DLGAP2: variants seen among roughly 807,000 people sequenced by gnomAD.
DLGAP2 encodes disks large-associated protein 2.
A neutral mutation model predicts 100.3 loss-of-function variants in DLGAP2; 26 were observed. The observed-to-expected ratio is 0.26, with a 90% CI of 0.19 to 0.36. DLGAP2 has a LOEUF of 0.36. Ranked by LOEUF, DLGAP2 falls within the 10% of genes least tolerant of loss-of-function variation. The pLI is 1.00. For missense variants in DLGAP2, 1,858 were observed against 1,453.2 expected (o/e 1.28, Z -4.53); for synonymous variants, 886 against 630.1 (o/e 1.41, Z -6.08).
intron 5 of DLGAP2, among the ~76,000 whole-genome samples, chr8:1,554,040 C>A (rs759073521): frequency 2.8e-4 from 43 of 152,202 alleles, no homozygotes; most frequent in Non-Finnish European, 5.9e-4. Flanking sequence ...GTCATCCTAG[C>A]ACTTTGGGAG....
At chr8:1,658,720 T>G (rs901211032) in intron 8 of DLGAP2, among the ~76,000 whole-genome samples, 1 of 152,210 alleles carries the variant, frequency 6.6e-6, no homozygotes, top group African/African-American at 2.4e-5. Context: ...TGTGTCTATT[T>G]GATTCTTCTC....
chr8:834,545 C>T (rs188810331), intron 1 of DLGAP2, among the ~76,000 whole-genome samples: 1 of 152,202 alleles, frequency 6.6e-6, no homozygotes, highest in Non-Finnish European at 1.5e-5. Context: ...CCTACCTGCA[C>T]TTTAACTTGT....
At chr8:1,627,650 C>T (rs1797538866) in intron 7 of DLGAP2, among the ~76,000 whole-genome samples, 1 of 152,250 alleles carries the variant, frequency 6.6e-6, no homozygotes, top group Non-Finnish European at 1.5e-5. Context: ...GTATACCTAA[C>T]AAACATTTTC....
chr8:1,511,708 C>T (rs555569817), intron 4 of DLGAP2, among the ~76,000 whole-genome samples: 21 of 151,294 alleles, frequency 1.4e-4, no homozygotes, highest in African/African-American at 4.9e-4. Context: ...CTTCCATGGA[C>T]GTAAGTGCTG....
intron 1 of DLGAP2, among the ~76,000 whole-genome samples, chr8:907,065 C>T (rs759456706): frequency 6.6e-5 from 10 of 152,128 alleles, no homozygotes; most frequent in African/African-American, 1.7e-4. Flanking sequence ...GACTGAAAGT[C>T]GATCGAGGGC....
chr8:862,076 G>A (rs180944688), intron 1 of DLGAP2, among the ~76,000 whole-genome samples: 1 of 152,260 alleles, frequency 6.6e-6, no homozygotes, highest in East Asian at 1.9e-4. Flanking sequence ...CTCCTGAACC[G>A]TTTGTAGAAA....
intron 2 of DLGAP2, among the ~76,000 whole-genome samples, chr8:1,076,832 G>T (rs963462382): frequency 5.5e-5 from 8 of 145,800 alleles, no homozygotes; most frequent in East Asian, 2.1e-4. Context: ...CCCCCCCCAA[G>T]ACCAAGAGGG....
intron 3 of DLGAP2, chr8:1,296,995 G>T (rs1436994760): frequency 6.6e-6 from 1 of 152,386 alleles, no homozygotes; most frequent in Admixed American, 6.5e-5. Context: ...AGACCTCAGG[G>T]CCTGTGCTAA....
At chr8:1,276,258 TA>T (rs1288715925) in intron 3 of DLGAP2, among the ~76,000 whole-genome samples, 1 of 151,686 alleles carries the variant, frequency 6.6e-6, no homozygotes. Context: ...CATAACAACC[TA>T]AAAAATCATG....
chr8:1,464,880 A>C (rs1369251506), intron 3 of DLGAP2, among the ~76,000 whole-genome samples: 1 of 152,166 alleles, frequency 6.6e-6, no homozygotes, highest in Admixed American at 6.5e-5. Flanking sequence ...GAGGACATAG[A>C]ATCACTCTTC....
chr8:1,350,270 C>A (rs60668668), intron 3 of DLGAP2, among the ~76,000 whole-genome samples: 21,120 of 44,440 alleles, frequency 0.48, 5,493 homozygotes, highest in East Asian at 0.82. Context: ...ATGTGTGGAA[C>A]GGCCGTGCGG....
chr8:1,414,291 G>C (rs996172840), intron 3 of DLGAP2, among the ~76,000 whole-genome samples: 5 of 152,230 alleles, frequency 3.3e-5, no homozygotes, highest in Non-Finnish European at 1.5e-5. Flanking sequence ...CATGTGATTG[G>C]AGGGTGTGTT....
intron 6 of DLGAP2, 58 bp downstream of exon 6, chr8:1,565,952 C>G (rs1802383438): frequency 9.0e-6 from 13 of 1,449,054 alleles, no homozygotes; most frequent in Non-Finnish European, 1.2e-5. Context: ...TGCGAGCTCC[C>G]TCTCCAAAAC....
intron 1 of DLGAP2, among the ~76,000 whole-genome samples, chr8:851,978 C>T (rs1308967646): frequency 6.6e-6 from 1 of 152,204 alleles, no homozygotes; most frequent in Non-Finnish European, 1.5e-5. Flanking sequence ...GGTCAGGGCA[C>T]TCAGCTAGTG....
At chr8:973,456 G>T (rs1003833839) in intron 2 of DLGAP2, among the ~76,000 whole-genome samples, 3 of 151,606 alleles carry the variant, frequency 2.0e-5, no homozygotes, top group Non-Finnish European at 4.4e-5. Flanking sequence ...GGGCAGAGGC[G>T]CTCCTCACAT....
chr8:802,018 ACCC>A (rs1563039110), intron 1 of DLGAP2, among the ~76,000 whole-genome samples: 38 of 144,058 alleles, frequency 2.6e-4, no homozygotes, highest in African/African-American at 6.9e-4. Flanking sequence ...AACAGTCCGC[ACCC>A]CTCCTGGGCC....
At chr8:1,223,939 A>G (rs1014996652) in intron 2 of DLGAP2, among the ~76,000 whole-genome samples, 26 of 152,366 alleles carry the variant, frequency 1.7e-4, no homozygotes, top group African/African-American at 5.3e-4. Context: ...GTTAAAAACA[A>G]TAAGGATATT....
At chr8:1,349,011 G>A (rs1801638764) in intron 3 of DLGAP2, among the ~76,000 whole-genome samples, 1 of 151,762 alleles carries the variant, frequency 6.6e-6, no homozygotes. Context: ...TATCTTTCTG[G>A]AACTCATGGT....
intron 4 of DLGAP2, among the ~76,000 whole-genome samples, chr8:1,513,710 A>G (rs1293838263): frequency 6.6e-6 from 1 of 152,258 alleles, no homozygotes; most frequent in Non-Finnish European, 1.5e-5. Context: ...GCAATTCCCT[A>G]AAAGTACACT....
Sources: allele counts gnomAD v4.1 joint callset (sites outside exome capture counted in the v4.1 genomes callset), GRCh38; gene constraint gnomAD v4.1.1; transcripts MANE v1.5; gene names NCBI Gene and HGNC (gene_info 2026-07-23, HGNC 2026-07-21).